NCAPG: variants seen among roughly 807,000 people sequenced by gnomAD.
The protein encoded by NCAPG is non-SMC condensin I complex subunit G.
Under a neutral mutation model 113.1 loss-of-function variants are expected in NCAPG, and 69 were observed. The observed-to-expected ratio is 0.61, with a 90% CI of 0.50 to 0.75. The LOEUF (loss-of-function observed/expected upper bound fraction) is 0.75. Among genes scored for constraint, NCAPG ranks in the 30% least tolerant of loss-of-function variants. NCAPG has a pLI of 0.00. For missense variants in NCAPG, 1,058 were observed against 1,177.0 expected, an observed-to-expected ratio of 0.90 and a Z score of 1.48; for synonymous variants, 370 against 415.8, an observed-to-expected ratio of 0.89 and a Z score of 1.34.
At chr4:17,838,734 G>A (rs1195325675) in intron 16 of NCAPG, among the ~76,000 whole-genome samples, 4 of 152,134 alleles carry the variant, frequency 2.6e-5, no homozygotes, top group African/African-American at 9.7e-5. Flanking sequence ...ATTATAGATT[G>A]CTTTAAAGGC....
At chr4:17,842,707 C>T in intron 20 of NCAPG, 1 of 230,438 alleles carries the variant, frequency 4.3e-6, no homozygotes, top group South Asian at 6.5e-5. Context: ...TCTACACTTA[C>T]ATACTGATAG....
intron 4 of NCAPG, 52 bp from the exon 5 acceptor site, chr4:17,815,222 A>G: frequency 6.8e-7 from 1 of 1,467,840 alleles, no homozygotes; most frequent in Non-Finnish European, 9.3e-7. Context: ...ATTCTTATGA[A>G]ATCTATAAAT....
chr4:17,827,254 G>A (rs916797164), intron 11 of NCAPG, among the ~76,000 whole-genome samples: 12 of 152,334 alleles, frequency 7.9e-5, no homozygotes, highest in East Asian at 3.9e-4. Context: ...AAGGCTTTGC[G>A]TAAGCAATAT....
chr4:17,843,239 A>G, intron 20 of NCAPG, 63 bp from the exon 21 acceptor site: 2 of 1,538,376 alleles, frequency 1.3e-6, no homozygotes, highest in Non-Finnish European at 1.8e-6. Flanking sequence ...AAAAAGTTTT[A>G]TTTATAAATA....
In NCAPG at chr4:17,840,189, C is replaced by G. The variant is rs117976942; in HGVS notation, c.2747C>G (p.Thr916Ser). The change falls in exon 18 of 21, where the codon ACT becomes AGT. Residue 916 changes from threonine (T) to serine (S), a missense_variant. Thr to Ser is a moderately conservative substitution (Grantham distance 58). Transcript: ENST00000251496. ...EAAQDATLTT[T>S]TFQNEDEKNK... ...GCACAGGATGCCACCTTGACTACAA[C>G]TACTTTCCAAAATGAAGATGGTAAT... 2.7e-5 allele frequency: 43 copies of G among 1,598,678 alleles called. 1 individual carries two copies. In the East Asian group the frequency reaches 9.7e-4, roughly 36 times the overall value.
intron 18 of NCAPG, 117 bp downstream of exon 18, chr4:17,840,326 T>A: frequency 9.2e-7 from 1 of 1,091,878 alleles, no homozygotes; most frequent in Non-Finnish European, 1.2e-6. Context: ...TGAATGAAAT[T>A]TTTTTTCTAA....
chr4:17,820,876 C>T (rs934129157), intron 7 of NCAPG, among the ~76,000 whole-genome samples: 2 of 151,952 alleles, frequency 1.3e-5, no homozygotes, highest in Non-Finnish European at 2.9e-5. Context: ...AAAGAGCAAA[C>T]GAGGAAATGA....
Position 17,842,370 on chromosome 4 carries a change from A to C in NCAPG, c.2915A>C (p.Asp972Ala), listed in dbSNP as rs765489508. The C allele has an allele frequency of 6.2e-7, 1 of 1,611,836 alleles. No homozygotes were observed. The change falls in exon 20 of 21, where the codon GAC (aspartate) becomes GCC (alanine). Residue 972 changes from aspartate to alanine, a missense_variant. Physicochemically the swap from Asp to Ala is moderately radical, Grantham distance 126. Transcript: ENST00000251496. ...AGGAGGTGTCAGACTGCTGAAGCCG[A>C]CTCTGAAAGGTATGTCATGCATGTC... ...TNRRCQTAEA[D>A]SESDHEVPEP... is the part of the protein sequence containing the mutation.
At chr4:17,836,523 G>A (rs912718134) in intron 14 of NCAPG, among the ~76,000 whole-genome samples, 15 of 152,130 alleles carry the variant, frequency 9.9e-5, no homozygotes, top group African/African-American at 3.4e-4. Flanking sequence ...TCTAAGTCAT[G>A]AAGATTTATC....
At position 17,823,062 on chromosome 4, in the gene NCAPG, T is replaced by A; in HGVS notation, c.1198T>A (p.Phe400Ile). 4 of 1,610,232 alleles carry A rather than the reference T, an allele frequency of 2.5e-6. No individual in the cohort carries two copies. Among genetic ancestry groups the A allele is most frequent in the Non-Finnish European group, 3.4e-6 (4 of 1,178,282 alleles). Residue 400 changes from phenylalanine to isoleucine, a missense_variant, in exon 8 of 21, where the codon TTC becomes ATC. Coordinates refer to ENST00000251496, the MANE Select transcript of NCAPG (RefSeq NM_022346.5). ...SYIGNLMTKE[F>I]IGQQLILIIK... Reference sequence around the variant, plus strand: ...TATTGGAAATTTGATGACAAAAGAATTCATAGGTCAACAATTGATTCTAAT... The same window carrying A: ...TATTGGAAATTTGATGACAAAAGAAATCATAGGTCAACAATTGATTCTAAT...
intron 14 of NCAPG, 55 bp downstream of exon 14, chr4:17,834,578 TTTATTA>T (rs200235208): frequency 4.5e-6 from 5 of 1,111,208 alleles, no homozygotes; most frequent in East Asian, 5.7e-5. Context: ...CATGTATTTG[TTTATTA>T]TTATTATTTT....
At chr4:17,816,577 T>G (rs993296331) in intron 5 of NCAPG, among the ~76,000 whole-genome samples, 3 of 152,344 alleles carry the variant, frequency 2.0e-5, no homozygotes, top group Admixed American at 6.5e-5. Context: ...AAGCTAAGAC[T>G]AAGGTTTGTT....
chr4:17,813,933 T>C (rs1363502748), intron 3 of NCAPG, among the ~76,000 whole-genome samples: 1 of 152,160 alleles, frequency 6.6e-6, no homozygotes, highest in Non-Finnish European at 1.5e-5. Flanking sequence ...TTGGTATTTT[T>C]TTTGGTGTTA....
At chr4:17,831,211 TTGA>T in intron 13 of NCAPG, 95 bp downstream of exon 13, 3 of 1,264,656 alleles carry the variant, frequency 2.4e-6, no homozygotes, top group Non-Finnish European at 3.2e-6. Flanking sequence ...CTGATTCTTA[TTGA>T]TGATGATTAT....
At position 17,817,282 on chromosome 4, in the gene NCAPG, A is replaced by G; in HGVS notation, c.797A>G (p.Gln266Arg). The stretch of plus-strand genomic sequence containing the variant: ...ATAGATGCTGTGAAACAAGCTATGC[A>G]GAAGCATCTTCTTCAAGGCTGGTTA... Reference protein sequence around the residue: ...DRSDAVKQAMQKHLLQGWLRF... With the variant: ...DRSDAVKQAMRKHLLQGWLRF... Residue 266 changes from glutamine to arginine, a missense_variant, in exon 6 of 21, where the codon CAG becomes CGG. By Grantham distance (43) the Gln-to-Arg change is conservative. Coordinates refer to ENST00000251496, the MANE Select transcript of NCAPG (RefSeq NM_022346.5). 1 of 1,614,016 alleles carries G rather than the reference A, an allele frequency of 6.2e-7. No individual in the cohort carries two copies. Among genetic ancestry groups the G allele is most frequent in the Non-Finnish European group, 8.5e-7 (1 of 1,179,902 alleles).
In NCAPG at chr4:17,823,784, C is replaced by T. The variant is rs1253606235; in HGVS notation, c.1383+14C>T. 2 of 1,582,106 alleles carry T rather than the reference C, an allele frequency of 1.3e-6. No individual in the cohort carries two copies. Among genetic ancestry groups the T allele is most frequent in the Non-Finnish European group, 1.7e-6 (2 of 1,157,464 alleles). ...AGAACACAAATTGTAAGTAATTTTC[C>T]TCATTGTTGATAAAGAGGTTTTGGT... On this transcript the variant is annotated intron_variant, in intron 9 of 20. Coordinates refer to ENST00000251496, the MANE Select transcript of NCAPG (RefSeq NM_022346.5).
In NCAPG at chr4:17,839,740, C is replaced by T. The variant is rs370885489; in HGVS notation, c.2531C>T (p.Ser844Leu). The T allele has an allele frequency of 1.1e-5, 17 of 1,587,038 alleles. No homozygotes were observed. The highest frequency in any genetic ancestry group is 4.1e-5 in the African/African-American group (3 of 72,948). Residue 844 changes from serine to leucine, a missense_variant, in exon 17 of 21, where the codon TCG becomes TTG. Physicochemically the swap from Ser to Leu is moderately radical, Grantham distance 145. Transcript: ENST00000251496. ...AATGAGATCTTAACAAGTCCGTGCT[C>T]GCCAGAAATTCGAGTCTATACAAAA... ...ICNEILTSPC[S>L]PEIRVYTKAL...
intron 9 of NCAPG, 46 bp downstream of exon 9, chr4:17,823,816 C>T (rs1721551605): frequency 6.8e-7 from 1 of 1,472,998 alleles, no homozygotes; most frequent in Non-Finnish European, 9.4e-7. Flanking sequence ...TGGTCAATGA[C>T]ATTGAATACT....
chr4:17,837,945 C>A, intron 16 of NCAPG, 144 bp downstream of exon 16: 1 of 834,888 alleles, frequency 1.2e-6, no homozygotes, highest in Non-Finnish European at 1.9e-6. Context: ...AGAAACATGA[C>A]CTTGGGAAAT....
Sources: allele counts gnomAD v4.1 joint callset (sites outside exome capture counted in the v4.1 genomes callset), GRCh38; gene constraint gnomAD v4.1.1; transcripts MANE v1.5; gene names NCBI Gene and HGNC (gene_info 2026-07-23, HGNC 2026-07-21).